The following MBD2 variants were observed in gnomAD, a reference collection of about 807,000 sequenced individuals.
MBD2 encodes the protein methyl-CpG-binding domain protein 2.
In MBD2, 9 loss-of-function variants were observed where a neutral mutation model predicts 39.3. The observed-to-expected ratio is 0.23, with a 90% CI of 0.14 to 0.40. The LOEUF is 0.40. Ranked by LOEUF, MBD2 falls within the 10% of genes least tolerant of loss-of-function variation. The pLI is 1.00. For missense variants in MBD2, 458 were observed against 532.6 expected (o/e 0.86, Z 1.38); for synonymous variants, 233 against 211.1 (o/e 1.10, Z -0.90).
rs193176060 is a variant in MBD2, at chr18:54,188,583, T to G, written c.840+291A>C. The stretch of plus-strand genomic sequence containing the variant: ...TGAAATATTATCCTTGGAAAGATAA[T>G]CTTTAAAAAACTAAGATTAGCAGAA... On this transcript the variant is annotated intron_variant, in intron 3 of 6. Coordinates refer to ENST00000256429, the MANE Select transcript of MBD2 (RefSeq NM_003927.5). 5.3e-5 allele frequency among the ~76,000 whole-genome samples: 8 copies of G among 152,264 alleles called. No individual in the cohort carries two copies. In the East Asian group the frequency reaches 1.2e-3, roughly 22 times the overall value.
intron 6 of MBD2, among the ~76,000 whole-genome samples, chr18:54,156,719 G>T (rs1424985463): frequency 6.6e-6 from 1 of 152,136 alleles, no homozygotes; most frequent in Non-Finnish European, 1.5e-5. Context: ...TGGGCATGGT[G>T]TCAGGCACCT....
At chr18:54,211,317 AATT>A (rs1315904502) in intron 1 of MBD2, among the ~76,000 whole-genome samples, 3 of 152,002 alleles carry the variant, frequency 2.0e-5, no homozygotes, top group African/African-American at 2.4e-5. Context: ...ATGAAATTAG[AATT>A]ATTGTTTTGT....
chr18:54,177,515 C>A (rs1460212167), intron 3 of MBD2, among the ~76,000 whole-genome samples: 1 of 151,778 alleles, frequency 6.6e-6, no homozygotes, highest in Non-Finnish European at 1.5e-5. Context: ...GAGTCTCGCT[C>A]TGTCGCCCTG....
At chr18:54,218,235 T>C (rs1052291146) in intron 1 of MBD2, among the ~76,000 whole-genome samples, 3 of 152,214 alleles carry the variant, frequency 2.0e-5, no homozygotes, top group South Asian at 4.1e-4. Context: ...TCTGAACAAA[T>C]TGATCACTTT....
chr18:54,164,814 C>T (rs2086119886), intron 4 of MBD2, 114 bp from the exon 5 acceptor site: 1 of 775,074 alleles, frequency 1.3e-6, no homozygotes. Flanking sequence ...ATATGTAAAA[C>T]TGACATAAGA....
chr18:54,218,000 G>A (rs2086575494), intron 1 of MBD2, among the ~76,000 whole-genome samples: 1 of 152,056 alleles, frequency 6.6e-6, no homozygotes, highest in Non-Finnish European at 1.5e-5. Context: ...TTCATTTCTG[G>A]GTGCAGGCTT....
At chr18:54,207,580 ATAT>A (rs1031220162) in intron 1 of MBD2, among the ~76,000 whole-genome samples, 14 of 152,246 alleles carry the variant, frequency 9.2e-5, no homozygotes, top group African/African-American at 2.9e-4. Context: ...AATGGGATAA[ATAT>A]TATTGTTTAT....
At chr18:54,221,890 C>T (rs1042229343) in intron 1 of MBD2, among the ~76,000 whole-genome samples, 2 of 152,188 alleles carry the variant, frequency 1.3e-5, no homozygotes, top group Admixed American at 6.5e-5. Flanking sequence ...TTTCCAACTA[C>T]AAGGAAAACC....
At chr18:54,215,457 C>T (rs1343157624) in intron 1 of MBD2, among the ~76,000 whole-genome samples, 1 of 151,396 alleles carries the variant, frequency 6.6e-6, no homozygotes, top group Non-Finnish European at 1.5e-5. Flanking sequence ...CATAGCCTCC[C>T]AAGATGATAC....
chr18:54,194,887 GAACT>G (rs1568087105), intron 2 of MBD2, among the ~76,000 whole-genome samples: 1 of 152,070 alleles, frequency 6.6e-6, no homozygotes, highest in Non-Finnish European at 1.5e-5. Flanking sequence ...CTTGTGGAAA[GAACT>G]GACTGTGCCT....
intron 3 of MBD2, among the ~76,000 whole-genome samples, chr18:54,176,554 A>G (rs1408023794): frequency 6.6e-6 from 1 of 152,214 alleles, no homozygotes; most frequent in Non-Finnish European, 1.5e-5. Flanking sequence ...AGTCACTCTC[A>G]AAAGGCTAAA....
rs72534368 is a variant in MBD2 at position 54,194,226 on chromosome 18, T to TG, written c.703-5216_703-5215insC. Reference sequence around the variant, plus strand: ...GCACTTACCAGAATTTAAATGCTAATATTTAATAATAAACTGTTAAATCTA... The same window carrying TG: ...GCACTTACCAGAATTTAAATGCTAATGATTTAATAATAAACTGTTAAATCTA... On this transcript the variant is annotated intron_variant, in intron 2 of 6. Coordinates refer to ENST00000256429, the MANE Select transcript of MBD2 (RefSeq NM_003927.5). Among the ~76,000 whole-genome samples, 3 of 39,652 alleles carry TG rather than the reference T, an allele frequency of 7.6e-5. No homozygotes were observed. In the African/African-American group the frequency reaches 9.1e-4, roughly 12 times the overall value. 26.0% of individuals were successfully genotyped at this position (39,652 alleles called of 152,430 possible). A position where few individuals can be genotyped will look rare whatever the true frequency, so the allele number is the denominator to read the frequency against.
chr18:54,175,822 C>T lies in MBD2; in HGVS notation c.841-9656G>A, dbSNP rs1246684160. 2.6e-5 allele frequency among the ~76,000 whole-genome samples: 4 copies of T among 152,170 alleles called. No homozygotes were observed. The South Asian group carries it at 8.3e-4, about 31-fold the overall frequency. ...CCCTGTCCTACTTCACTGATACATT[C>T]GCCTGCCGTCAGGGGACTGAAGACA... On this transcript the variant is annotated intron_variant, in intron 3 of 6. Transcript: ENST00000256429.
intron 2 of MBD2, among the ~76,000 whole-genome samples, chr18:54,200,191 T>G (rs561300176): frequency 6.6e-6 from 1 of 152,018 alleles, no homozygotes; most frequent in Non-Finnish European, 1.5e-5. Flanking sequence ...TAGAGAAATG[T>G]GACGAAAGAA....
intron 5 of MBD2, 41 bp downstream of exon 5, chr18:54,164,482 G>T (rs569717067): frequency 3.1e-5 from 48 of 1,567,414 alleles, no homozygotes; most frequent in Non-Finnish European, 4.0e-5. Context: ...TTACCCAAAC[G>T]TAAAAACCCA....
rs1363655231 is a variant in MBD2, at chr18:54,214,732, TTTTAGAATTC to T, written c.542+9276_542+9285del. Among the ~76,000 whole-genome samples, 346 of 56,776 alleles carry T rather than the reference TTTTAGAATTC, an allele frequency of 6.1e-3. 2 individuals are homozygous for T. The highest frequency in any genetic ancestry group is 9.6e-3 in the Middle Eastern group (1 of 104). The allele number at this position is 56,776 out of a possible 152,430, so 37.2% of individuals were successfully genotyped here. ...AAAAAATTTCCACGAGGTAGAATTC[TTTTAGAATTC>T]TTTTTTTTTTTTTTTTAGACGGAGT... On this transcript the variant is annotated intron_variant, in intron 1 of 6. Coordinates refer to ENST00000256429, the MANE Select transcript of MBD2 (RefSeq NM_003927.5).
At chr18:54,178,587 A>C (rs1408503013) in intron 3 of MBD2, among the ~76,000 whole-genome samples, 3 of 152,196 alleles carry the variant, frequency 2.0e-5, no homozygotes, top group Admixed American at 2.0e-4. Context: ...CAATAGTACT[A>C]TAAGATTACT....
chr18:54,209,321 G>T (rs944116156), intron 1 of MBD2, among the ~76,000 whole-genome samples: 3 of 137,866 alleles, frequency 2.2e-5, no homozygotes, highest in African/African-American at 8.0e-5. Flanking sequence ...AAAAAAAAAA[G>T]GAAGGTATTT....
intron 1 of MBD2, among the ~76,000 whole-genome samples, chr18:54,209,387 G>GAA (rs1446010693): frequency 2.0e-5 from 3 of 151,190 alleles, no homozygotes; most frequent in African/African-American, 7.3e-5. Context: ...GGCAATGAAG[G>GAA]AAAAAAGGTA....
Sources: gnomAD v4.1 joint callset for allele counts (sites outside exome capture counted in the v4.1 genomes callset) on GRCh38, gnomAD v4.1.1 for gene constraint, MANE v1.5 for transcripts, NCBI Gene and HGNC (gene_info 2026-07-23, HGNC 2026-07-21) for gene names.